POLD3: variants seen among roughly 807,000 people sequenced by gnomAD.
POLD3 encodes DNA polymerase delta 3, accessory subunit.
Under a neutral mutation model 58.2 loss-of-function variants are expected in POLD3, and 19 were observed. The ratio of observed to expected loss-of-function variants is 0.33; its 90% CI spans 0.23 to 0.48. The LOEUF is 0.48. Among genes scored for constraint, POLD3 ranks in the 20% least tolerant of loss-of-function variants. The pLI is 0.99. For missense variants in POLD3, 504 were observed against 545.5 expected (o/e 0.92, Z 0.76); for synonymous variants, 172 against 193.5 (o/e 0.89, Z 0.92).
chr11:74,604,211 T>C (rs1272127025), intron 2 of POLD3, among the ~76,000 whole-genome samples: 1 of 152,202 alleles, frequency 6.6e-6, no homozygotes. Context: ...CATAAACATT[T>C]GCTGAAACTT....
At chr11:74,596,704 T>G (rs2031273364) in intron 2 of POLD3, among the ~76,000 whole-genome samples, 1 of 152,188 alleles carries the variant, frequency 6.6e-6, no homozygotes, top group Non-Finnish European at 1.5e-5. Context: ...GTAGAGCTCT[T>G]GAACTTATTC....
intron 4 of POLD3, among the ~76,000 whole-genome samples, chr11:74,664,559 C>CT (rs2033243247): frequency 6.6e-6 from 1 of 152,108 alleles, no homozygotes; most frequent in Admixed American, 6.6e-5. Flanking sequence ...CAGTATTACT[C>CT]TGACACCAAA....
At chr11:74,643,875 G>A (rs759420106), downstream of POLD3, among the ~76,000 whole-genome samples, 59 of 152,074 alleles carry the variant, frequency 3.9e-4, no homozygotes, top group Admixed American at 2.0e-3. Flanking sequence ...AATTCTAGCG[G>A]GATTAAAGAA....
chr11:74,643,360 TCTA>T (rs1227436888), downstream of POLD3, among the ~76,000 whole-genome samples: 1 of 152,222 alleles, frequency 6.6e-6, no homozygotes, highest in Non-Finnish European at 1.5e-5. Context: ...TTATTGTGTA[TCTA>T]CTATGTGTCA....
At chr11:74,666,466 C>A (rs10899029) in intron 4 of POLD3, among the ~76,000 whole-genome samples, 60,473 of 151,942 alleles carry the variant, frequency 0.4, 13,671 homozygotes, top group Non-Finnish European at 0.51. Context: ...ACTAAAAATA[C>A]AAAAATTAGC....
intron 4 of POLD3, among the ~76,000 whole-genome samples, chr11:74,654,643 G>T (rs1326633114): frequency 6.6e-6 from 1 of 152,188 alleles, no homozygotes; most frequent in Non-Finnish European, 1.5e-5. Context: ...TTAACCTGGG[G>T]CTGCTTCCAA....
At chr11:74,614,583 A>G (rs1025278118) in intron 5 of POLD3, among the ~76,000 whole-genome samples, 17 of 152,206 alleles carry the variant, frequency 1.1e-4, no homozygotes, top group Non-Finnish European at 2.2e-4. Context: ...GGTGGCAGGC[A>G]CCTATAGTCC....
At chr11:74,615,753 G>T (rs547286662) in intron 5 of POLD3, among the ~76,000 whole-genome samples, 2 of 152,280 alleles carry the variant, frequency 1.3e-5, no homozygotes, top group African/African-American at 4.8e-5. Context: ...AGGAGAGAAA[G>T]ATATAGAATT....
At chr11:74,603,086 C>T (rs1217691489) in intron 2 of POLD3, among the ~76,000 whole-genome samples, 2 of 152,140 alleles carry the variant, frequency 1.3e-5, no homozygotes, top group African/African-American at 4.8e-5. Flanking sequence ...TGTGTGTCTC[C>T]TTTCTAGAAT....
intron 4 of POLD3, among the ~76,000 whole-genome samples, chr11:74,658,555 C>T (rs150326443): frequency 0.011 from 1,711 of 152,214 alleles, 27 homozygotes; most frequent in African/African-American, 0.039. Flanking sequence ...CACCTATGAG[C>T]CTATAAAATC....
intron 4 of POLD3, among the ~76,000 whole-genome samples, chr11:74,649,268 T>C (rs7110993): frequency 0.82 from 124,510 of 152,114 alleles, 51,134 homozygotes; most frequent in Middle Eastern, 0.94. Context: ...TCATATACTT[T>C]ATATCATTTG....
intron 4 of POLD3, among the ~76,000 whole-genome samples, chr11:74,655,300 G>A (rs1469870105): frequency 2.0e-5 from 3 of 152,234 alleles, no homozygotes; most frequent in Admixed American, 6.5e-5. Context: ...TGAAACAAAC[G>A]AGAGAGATCA....
At chr11:74,627,718 C>G (rs960159248) in intron 8 of POLD3, among the ~76,000 whole-genome samples, 19 of 151,950 alleles carry the variant, frequency 1.3e-4, no homozygotes, top group Non-Finnish European at 4.4e-5. Flanking sequence ...ACACAAATAC[C>G]GTTGTGTTAC....
intron 5 of POLD3, 130 bp downstream of exon 5, chr11:74,613,140 C>T: frequency 1.2e-6 from 1 of 824,318 alleles, no homozygotes. Context: ...AAGAAACATG[C>T]CTGGTTTTAT....
At chr11:74,597,111 C>T (rs1038547320) in intron 2 of POLD3, among the ~76,000 whole-genome samples, 3 of 152,122 alleles carry the variant, frequency 2.0e-5, no homozygotes, top group African/African-American at 7.2e-5. Context: ...GATGTATATC[C>T]GTAGTGGGAC....
intron 2 of POLD3, among the ~76,000 whole-genome samples, chr11:74,598,573 C>T (rs540327770): frequency 9.9e-5 from 15 of 152,262 alleles, no homozygotes; most frequent in African/African-American, 3.4e-4. Flanking sequence ...GTCTGGCATC[C>T]CCGCTGGAAA....
chr11:74,666,906 T>C (rs2033275396), intron 4 of POLD3, among the ~76,000 whole-genome samples: 1 of 150,284 alleles, frequency 6.7e-6, no homozygotes, highest in Admixed American at 6.6e-5. Flanking sequence ...GTGAAACAAT[T>C]GATAGTCCAG....
rs891875041 is a variant in POLD3, at chr11:74,641,915, A to G, written c.*1149A>G. On this transcript the variant is annotated 3_prime_UTR_variant, in exon 12 of 12. Coordinates refer to ENST00000263681, the MANE Select transcript of POLD3 (RefSeq NM_006591.3). ...AAACATTTTTATTAGTTACTTATGG[A>G]AAATCATCTATTACAATGATAACCT... is the stretch of plus-strand genomic sequence containing the variant. 2.5e-5 allele frequency: 25 copies of G among 985,192 alleles called. No individual in the cohort carries two copies. Among genetic ancestry groups the G allele is most frequent in the Non-Finnish European group, 3.0e-5 (25 of 829,816 alleles). The allele number at this position is 985,192 out of a possible 1,614,324, so 61.0% of individuals were successfully genotyped here.
chr11:74,602,625 T>C (rs2031542603), intron 2 of POLD3, among the ~76,000 whole-genome samples: 1 of 152,196 alleles, frequency 6.6e-6, no homozygotes, highest in South Asian at 2.1e-4. Context: ...CTGGTCTTGC[T>C]TCCTCCCTTG....
Sources: allele counts gnomAD v4.1 joint callset (sites outside exome capture counted in the v4.1 genomes callset), GRCh38; gene constraint gnomAD v4.1.1; transcripts MANE v1.5; gene names NCBI Gene and HGNC (gene_info 2026-07-23, HGNC 2026-07-21).